KCNH8: variants seen among roughly 807,000 people sequenced by gnomAD.
KCNH8 encodes voltage-gated delayed rectifier potassium channel KCNH8.
A neutral mutation model predicts 103.6 loss-of-function variants in KCNH8; 70 were observed. The observed-to-expected ratio is 0.68, with a 90% CI of 0.56 to 0.82. The LOEUF (loss-of-function observed/expected upper bound fraction) is 0.82, where lower values mean the gene tolerates loss of function less well. KCNH8 is among the 40% of genes least tolerant of loss of function. KCNH8 has a pLI of 0.00. For missense variants in KCNH8, 1,217 were observed against 1,329.9 expected, an observed-to-expected ratio of 0.92 and a Z score of 1.32; for synonymous variants, 498 against 489.4, an observed-to-expected ratio of 1.02 and a Z score of -0.23.
chr3:19,334,760 T>G lies in KCNH8; in HGVS notation c.443-7827T>G, dbSNP rs567974169. ...GCCAAAAAATAAATTCACCAAATGT[T>G]AAATTATTACTGGAAGATGGTATTA... On this transcript the variant is annotated intron_variant, in intron 3 of 15. Coordinates refer to ENST00000328405, the MANE Select transcript of KCNH8 (RefSeq NM_144633.3). Among the ~76,000 whole-genome samples the G allele has an allele frequency of 1.3e-4, 19 of 151,388 alleles. No individual in the cohort carries two copies. The East Asian group carries it at 3.7e-3, about 29-fold the overall frequency.
At chr3:19,326,052 G>A (rs907321055) in intron 3 of KCNH8, among the ~76,000 whole-genome samples, 5 of 152,060 alleles carry the variant, frequency 3.3e-5, no homozygotes, top group Non-Finnish European at 7.4e-5. Flanking sequence ...GTTGAGGCTG[G>A]AGGCCATTAT....
chr3:19,399,127 A>G (rs1381362656), intron 7 of KCNH8, among the ~76,000 whole-genome samples: 1 of 151,986 alleles, frequency 6.6e-6, no homozygotes, highest in Non-Finnish European at 1.5e-5. Context: ...TCAAATTTTT[A>G]TGGAATTTAG....
chr3:19,444,259 G>A (rs1000869859), intron 8 of KCNH8, among the ~76,000 whole-genome samples: 4 of 151,962 alleles, frequency 2.6e-5, no homozygotes, highest in African/African-American at 7.2e-5. Flanking sequence ...TTTGTGATAC[G>A]GATGCTACTT....
rs1230734529 is a variant in KCNH8, at chr3:19,148,514, T to C, written c.-206T>C. On this transcript the variant is annotated 5_prime_UTR_variant, in exon 1 of 16. Coordinates refer to ENST00000328405, the MANE Select transcript of KCNH8 (RefSeq NM_144633.3). ...TGCGGGGCGGGCTCGGGGAGCGCTCTTGGGGCTCCTCCTGCCACAGCCGGG... is the reference window on the plus strand; with the variant it reads ...TGCGGGGCGGGCTCGGGGAGCGCTCCTGGGGCTCCTCCTGCCACAGCCGGG... The C allele has an allele frequency of 1.7e-6, 1 of 592,208 alleles. No homozygotes were observed. Among genetic ancestry groups the C allele is most frequent in the Non-Finnish European group, 3.0e-6 (1 of 330,812 alleles). 36.7% of individuals were successfully genotyped at this position (592,208 alleles called of 1,614,324 possible).
chr3:19,180,253 GACTTGGCCCTTCAAAGGGCCAAGA>G (rs2063438185), intron 1 of KCNH8, among the ~76,000 whole-genome samples: 1 of 7,772 alleles, frequency 1.3e-4, no homozygotes, highest in Non-Finnish European at 3.4e-4. Context: ...GGCCAAGACA[GACTTGGCCCTTCAAAGGGCCAAGA>G]CAGACTTGGC....
chr3:19,223,479 T>C (rs1230645081), intron 1 of KCNH8, among the ~76,000 whole-genome samples: 1 of 152,210 alleles, frequency 6.6e-6, no homozygotes, highest in Non-Finnish European at 1.5e-5. Flanking sequence ...TTTATCTTTA[T>C]ATCATTCCAA....
intron 8 of KCNH8, among the ~76,000 whole-genome samples, chr3:19,445,240 T>C (rs930146737): frequency 6.6e-6 from 1 of 151,998 alleles, no homozygotes; most frequent in Non-Finnish European, 1.5e-5. Context: ...TATTTTATGA[T>C]TTTGTTTAGA....
chr3:19,169,031 A>G (rs1346678428), intron 1 of KCNH8, among the ~76,000 whole-genome samples: 1 of 152,164 alleles, frequency 6.6e-6, no homozygotes, highest in African/African-American at 2.4e-5. Context: ...TGTGGCTGAA[A>G]AGAAATTTGA....
intron 2 of KCNH8, among the ~76,000 whole-genome samples, chr3:19,257,273 T>C (rs2064358554): frequency 6.6e-6 from 1 of 152,056 alleles, no homozygotes; most frequent in Non-Finnish European, 1.5e-5. Flanking sequence ...CTTAATGCTA[T>C]GATTGCTCTC....
intron 3 of KCNH8, among the ~76,000 whole-genome samples, chr3:19,294,962 T>A (rs898741628): frequency 2.0e-5 from 3 of 152,216 alleles, no homozygotes; most frequent in Non-Finnish European, 4.4e-5. Flanking sequence ...ATTAGCCTTA[T>A]TTTTTATACA....
intron 8 of KCNH8, among the ~76,000 whole-genome samples, chr3:19,442,537 G>T (rs1291232657): frequency 6.6e-6 from 1 of 152,134 alleles, no homozygotes; most frequent in Non-Finnish European, 1.5e-5. Context: ...AAAAGATGTG[G>T]GAAATAATCT....
intron 5 of KCNH8, among the ~76,000 whole-genome samples, chr3:19,373,296 A>G (rs897513744): frequency 2.6e-5 from 4 of 152,040 alleles, no homozygotes; most frequent in African/African-American, 9.7e-5. Context: ...AGATCCTGTT[A>G]TTGGTCTATT....
chr3:19,470,633 G>T (rs550755562), intron 11 of KCNH8, among the ~76,000 whole-genome samples: 1 of 152,316 alleles, frequency 6.6e-6, no homozygotes, highest in East Asian at 1.9e-4. Context: ...CCCTGTAGTA[G>T]CATGGTGGTT....
rs74536775 is a variant in KCNH8, at chr3:19,156,053, A to T, written c.76+7258A>T. Among the ~76,000 whole-genome samples the T allele has an allele frequency of 5.5e-3, 842 of 152,168 alleles. 4 individuals carry two copies. Among genetic ancestry groups the T allele is most frequent in the South Asian group, 0.012 (59 of 4,808 alleles). ...GTACCTGGTGTTCCTTTTATTCACT[A>T]TTGCATGATTACCTTTAGTTTTGAG... On this transcript the variant is annotated intron_variant, in intron 1 of 15. Transcript: ENST00000328405.
chr3:19,246,276 T>TG (rs1406436101), intron 1 of KCNH8, among the ~76,000 whole-genome samples: 3 of 118,618 alleles, frequency 2.5e-5, no homozygotes, highest in Admixed American at 9.1e-5. Context: ...TTGTTGTTGT[T>TG]TTTTTTTTTT....
At chr3:19,158,013 T>G (rs2063198218) in intron 1 of KCNH8, among the ~76,000 whole-genome samples, 1 of 151,516 alleles carries the variant, frequency 6.6e-6, no homozygotes, top group Non-Finnish European at 1.5e-5. Flanking sequence ...ACTATTATTA[T>G]TATTTCTAAT....
chr3:19,389,444 C>G (rs938050028), intron 5 of KCNH8, among the ~76,000 whole-genome samples: 1 of 152,048 alleles, frequency 6.6e-6, no homozygotes, highest in Non-Finnish European at 1.5e-5. Flanking sequence ...ACAATTACAT[C>G]TTTCATTAAA....
Position 19,484,316 on chromosome 3 carries a change from T to C in KCNH8, c.2041-26047T>C, listed in dbSNP as rs534340900. On this transcript the variant is annotated intron_variant, in intron 11 of 15. Transcript: ENST00000328405. ...AGTTTCTAGGCATTCATAGTAACTATAGAACAGAAAGATTGTTTTACTTTC... is the reference window on the plus strand; with the variant it reads ...AGTTTCTAGGCATTCATAGTAACTACAGAACAGAAAGATTGTTTTACTTTC... Among the ~76,000 whole-genome samples the C allele has an allele frequency of 3.3e-5, 5 of 152,372 alleles. No homozygotes were observed. The South Asian group carries it at 8.3e-4, about 25-fold the overall frequency.
At chr3:19,385,038 T>A (rs1296481560) in intron 5 of KCNH8, among the ~76,000 whole-genome samples, 1 of 152,106 alleles carries the variant, frequency 6.6e-6, no homozygotes, top group Non-Finnish European at 1.5e-5. Flanking sequence ...CAGTAAGAGA[T>A]GGTTGAAAGA....
Sources: allele counts gnomAD v4.1 joint callset (sites outside exome capture counted in the v4.1 genomes callset), GRCh38; gene constraint gnomAD v4.1.1; transcripts MANE v1.5; gene names NCBI Gene and HGNC (gene_info 2026-07-23, HGNC 2026-07-21).